GRIP1: variants seen among roughly 807,000 people sequenced by gnomAD.
GRIP1 encodes glutamate receptor interacting protein 1.
Under a neutral mutation model 129.9 loss-of-function variants are expected in GRIP1, and 45 were observed. That is an observed-to-expected ratio of 0.35 (90% CI 0.27 to 0.44). The LOEUF (loss-of-function observed/expected upper bound fraction) is 0.44, where lower values mean the gene tolerates loss of function less well. GRIP1 is among the 20% of genes least tolerant of loss of function. GRIP1 has a pLI of 1.00. For synonymous variants in GRIP1, 530 were observed against 520.8 expected, an observed-to-expected ratio of 1.02 and a Z score of -0.24; for missense variants, 1,196 against 1,396.8, an observed-to-expected ratio of 0.86 and a Z score of 2.29.
At chr12:66,887,637 G>A (rs1434583027) in intron 1 of GRIP1, among the ~76,000 whole-genome samples, 1 of 152,138 alleles carries the variant, frequency 6.6e-6, no homozygotes, top group Non-Finnish European at 1.5e-5. Context: ...CACATGCTTT[G>A]AGAGTGTTTA....
intron 2 of GRIP1, chr12:66,567,668 T>C: frequency 4.6e-6 from 1 of 218,568 alleles, no homozygotes; most frequent in Non-Finnish European, 9.9e-6. Context: ...CTACAAAGAC[T>C]GCATTTTCCC....
chr12:66,684,731 G>C (rs1034374741), intron 1 of GRIP1, among the ~76,000 whole-genome samples: 2 of 152,138 alleles, frequency 1.3e-5, no homozygotes, highest in African/African-American at 4.8e-5. Flanking sequence ...TGTAATCCCA[G>C]CTACTCAGGA....
At chr12:66,874,629 C>T (rs753509641) in intron 1 of GRIP1, among the ~76,000 whole-genome samples, 2 of 151,844 alleles carry the variant, frequency 1.3e-5, no homozygotes, top group African/African-American at 4.8e-5. Flanking sequence ...TTCACATGGC[C>T]GGAGCAGAAG....
chr12:66,676,022 G>A (rs1368268874), intron 1 of GRIP1, among the ~76,000 whole-genome samples: 1 of 152,124 alleles, frequency 6.6e-6, no homozygotes, highest in East Asian at 1.9e-4. Context: ...GTGGATCAGT[G>A]TCTATGTGGA....
intron 1 of GRIP1, among the ~76,000 whole-genome samples, chr12:67,057,632 TAACAACAAC>T (rs892463566): frequency 6.6e-6 from 1 of 151,922 alleles, no homozygotes; most frequent in East Asian, 1.9e-4. Flanking sequence ...CTGTGAGCAA[TAACAACAAC>T]AACAACAACA....
chr12:66,405,481 A>G (rs1390987973), intron 16 of GRIP1, among the ~76,000 whole-genome samples: 6 of 152,210 alleles, frequency 3.9e-5, no homozygotes, highest in Non-Finnish European at 8.8e-5. Context: ...TCCTTGCACC[A>G]CAGCTGTGGC....
intron 1 of GRIP1, among the ~76,000 whole-genome samples, chr12:67,033,907 G>C (rs932942525): frequency 2.6e-5 from 4 of 152,134 alleles, no homozygotes; most frequent in African/African-American, 9.7e-5. Context: ...ACATAATACA[G>C]CCAGGAAAAG....
intron 1 of GRIP1, among the ~76,000 whole-genome samples, chr12:66,779,800 A>T (rs1433046467): frequency 1.3e-5 from 2 of 152,242 alleles, no homozygotes; most frequent in Non-Finnish European, 2.9e-5. Context: ...TGAAAATAAA[A>T]TGGAATAATG....
chr12:66,673,623 T>C (rs1474189998), intron 1 of GRIP1, among the ~76,000 whole-genome samples: 2 of 152,168 alleles, frequency 1.3e-5, no homozygotes, highest in Non-Finnish European at 2.9e-5. Flanking sequence ...TAACTAGTTA[T>C]ATAAACGAAA....
At chr12:66,878,496 T>C (rs1243870386) in intron 1 of GRIP1, among the ~76,000 whole-genome samples, 2 of 151,662 alleles carry the variant, frequency 1.3e-5, no homozygotes, top group African/African-American at 4.8e-5. Context: ...ATTGGAGTGA[T>C]GATGTTAGGG....
At chr12:66,985,976 CT>C (rs1210844305) in intron 1 of GRIP1, among the ~76,000 whole-genome samples, 1 of 152,160 alleles carries the variant, frequency 6.6e-6, no homozygotes, top group African/African-American at 2.4e-5. Context: ...GTGCTGCTTA[CT>C]TTTTCTCATC....
chr12:67,053,429 A>G (rs1344394800), intron 1 of GRIP1, among the ~76,000 whole-genome samples: 2 of 152,270 alleles, frequency 1.3e-5, no homozygotes, highest in African/African-American at 4.8e-5. Context: ...GGCAATGTGG[A>G]CACAAATAAG....
At chr12:66,624,274 A>G (rs2065393164) in intron 1 of GRIP1, among the ~76,000 whole-genome samples, 1 of 152,180 alleles carries the variant, frequency 6.6e-6, no homozygotes. Context: ...AGAGATCAGC[A>G]CCATTAATTT....
intron 1 of GRIP1, among the ~76,000 whole-genome samples, chr12:67,017,745 C>G (rs1451173886): frequency 6.6e-6 from 1 of 152,148 alleles, no homozygotes; most frequent in Non-Finnish European, 1.5e-5. Context: ...CCAAGAAAGC[C>G]AAAGACAGAG....
chr12:66,660,083 T>C (rs2033405732), intron 1 of GRIP1, among the ~76,000 whole-genome samples: 1 of 152,208 alleles, frequency 6.6e-6, no homozygotes, highest in Non-Finnish European at 1.5e-5. Context: ...CTCATGTTGA[T>C]GCCTAAATGC....
At chr12:66,672,975 T>C (rs553264031) in intron 1 of GRIP1, among the ~76,000 whole-genome samples, 5 of 152,140 alleles carry the variant, frequency 3.3e-5, no homozygotes, top group Non-Finnish European at 7.4e-5. Context: ...GGTTGACATA[T>C]CTTCTAATTT....
chr12:66,756,346 C>T (rs966501606), intron 1 of GRIP1, among the ~76,000 whole-genome samples: 1 of 152,128 alleles, frequency 6.6e-6, no homozygotes, highest in South Asian at 2.1e-4. Flanking sequence ...TGTATATCCC[C>T]AATGAAGCAT....
chr12:66,820,789 T>C (rs554341729), intron 1 of GRIP1, among the ~76,000 whole-genome samples: 2 of 151,896 alleles, frequency 1.3e-5, no homozygotes, highest in African/African-American at 4.8e-5. Context: ...TGTATGACAT[T>C]TGGGAAAAGG....
intron 1 of GRIP1, among the ~76,000 whole-genome samples, chr12:66,670,861 G>C (rs1424609781): frequency 6.6e-6 from 1 of 152,044 alleles, no homozygotes; most frequent in African/African-American, 2.4e-5. Flanking sequence ...GTCACAGGAA[G>C]GCTATAGCAG....
Sources: allele counts gnomAD v4.1 joint callset (sites outside exome capture counted in the v4.1 genomes callset), GRCh38; gene constraint gnomAD v4.1.1; transcripts MANE v1.5; gene names NCBI Gene and HGNC (gene_info 2026-07-23, HGNC 2026-07-21).